ANKRD28: variants seen among roughly 807,000 people sequenced by gnomAD.
ANKRD28 encodes the protein serine/threonine-protein phosphatase 6 regulatory ankyrin repeat subunit A.
In ANKRD28, 44 loss-of-function variants were observed where a neutral mutation model predicts 126.5. The observed-to-expected ratio is 0.35, with a 90% CI of 0.27 to 0.45. The LOEUF (loss-of-function observed/expected upper bound fraction) is 0.45, where lower values mean the gene tolerates loss of function less well. ANKRD28 is among the 20% of genes least tolerant of loss of function. The pLI is 1.00. For synonymous variants in ANKRD28, 442 were observed against 468.5 expected, an observed-to-expected ratio of 0.94 and a Z score of 0.73; for missense variants, 1,110 against 1,316.6, an observed-to-expected ratio of 0.84 and a Z score of 2.43.
intron 4 of ANKRD28, among the ~76,000 whole-genome samples, chr3:15,743,374 A>G (rs956863891): frequency 6.8e-6 from 1 of 148,114 alleles, no homozygotes; most frequent in Non-Finnish European, 1.5e-5. Flanking sequence ...AAACAAACAA[A>G]CAAAAAAAAA....
rs116115141 is a variant in ANKRD28 at position 15,829,614 on chromosome 3, G to C, written c.27+29763C>G. On this transcript the variant is annotated intron_variant, in intron 1 of 27. Transcript: ENST00000399451. ...GGAAAATGCTGGTTCACTGGTTTAC[G>C]AAGGTCTTCAATTACTGACACGTTT... is the stretch of plus-strand genomic sequence containing the variant. Among the ~76,000 whole-genome samples the C allele has an allele frequency of 2.7e-3, 408 of 152,150 alleles. 2 individuals carry two copies. Among genetic ancestry groups the C allele is most frequent in the African/African-American group, 9.6e-3 (399 of 41,506 alleles).
intron 8 of ANKRD28, among the ~76,000 whole-genome samples, chr3:15,717,922 A>G (rs1423421629): frequency 6.6e-6 from 1 of 152,206 alleles, no homozygotes. Context: ...TAACTTGATC[A>G]AGGTCAGAAA....
intron 1 of ANKRD28, among the ~76,000 whole-genome samples, chr3:15,836,067 T>C (rs1002863973): frequency 2.0e-5 from 3 of 152,052 alleles, no homozygotes; most frequent in African/African-American, 7.2e-5. Context: ...GTGAATTATA[T>C]TGAAAAAAAG....
chr3:15,820,707 G>C (rs1559572474), intron 1 of ANKRD28, among the ~76,000 whole-genome samples: 1 of 151,646 alleles, frequency 6.6e-6, no homozygotes, highest in African/African-American at 2.4e-5. Context: ...AATTCACAGG[G>C]GTTCATTAAT....
At chr3:15,800,901 T>C (rs1172758135), upstream of ANKRD28, among the ~76,000 whole-genome samples, 3 of 152,148 alleles carry the variant, frequency 2.0e-5, no homozygotes, top group Non-Finnish European at 4.4e-5. Flanking sequence ...TTGTGTCTTC[T>C]TCTATTGAAT....
In ANKRD28 at chr3:15,846,152, C is replaced by G. The variant is rs561024820; in HGVS notation, c.27+13225G>C. Among the ~76,000 whole-genome samples the G allele has an allele frequency of 1.2e-5, 1 of 81,424 alleles. No individual in the cohort carries two copies. Among genetic ancestry groups the G allele is most frequent in the East Asian group, 1.2e-3 (1 of 840 alleles). 53.4% of individuals were successfully genotyped at this position (81,424 alleles called of 152,430 possible). On this transcript the variant is annotated intron_variant, in intron 1 of 27. Transcript: ENST00000399451. This position sits in a 1 kb window ranked among gnomAD's most constrained non-coding sequence, Gnocchi z 5.4. Reference sequence around the variant, plus strand: ...CAGAAATCCAAGCCCAAAGTCTCATCTGAGACAAGGCAAGTCTCTTCCATC... The same window carrying G: ...CAGAAATCCAAGCCCAAAGTCTCATGTGAGACAAGGCAAGTCTCTTCCATC...
intron 4 of ANKRD28, among the ~76,000 whole-genome samples, 171 bp downstream of exon 4, chr3:15,751,579 G>A (rs1193731897): frequency 6.6e-6 from 1 of 152,100 alleles, no homozygotes; most frequent in East Asian, 1.9e-4. Flanking sequence ...ATAAACAAAA[G>A]AAGAAATGAA....
intron 1 of ANKRD28, among the ~76,000 whole-genome samples, chr3:15,809,976 C>T (rs571197456): frequency 6.6e-6 from 1 of 152,100 alleles, no homozygotes; most frequent in Admixed American, 6.5e-5. Flanking sequence ...CTCCCACCTC[C>T]TCATCCACAA....
rs1434540979 is a variant in ANKRD28 at position 15,668,742 on chromosome 3, C to T, written c.*1528G>A. The T allele has an allele frequency of 3.3e-5, 5 of 152,578 alleles. No individual in the cohort carries two copies. Among genetic ancestry groups the T allele is most frequent in the Non-Finnish European group, 2.9e-5 (2 of 68,006 alleles). 9.5% of individuals were successfully genotyped at this position (152,578 alleles called of 1,614,324 possible). ...GCTCATTAATTCTTCAAAAAACCCA[C>T]AAAATTATCAAATAGATCAAAATAC... On this transcript the variant is annotated 3_prime_UTR_variant, in exon 28 of 28. Transcript: ENST00000683139.
chr3:15,859,713 T>TGCC (rs904062377), exon 1 of ANKRD28: 2 of 154,944 alleles, frequency 1.3e-5, no homozygotes, highest in South Asian at 1.8e-4. Flanking sequence ...TACCCGCCGC[T>TGCC]GCCGCCGCCG....
chr3:15,803,361 G>T (rs1255488561), intron 1 of ANKRD28, among the ~76,000 whole-genome samples: 1 of 152,122 alleles, frequency 6.6e-6, no homozygotes, highest in Non-Finnish European at 1.5e-5. Context: ...GCTCACACCT[G>T]TAATCCCAGC....
chr3:15,727,516 A>C (rs979380930), intron 6 of ANKRD28, among the ~76,000 whole-genome samples: 2 of 147,118 alleles, frequency 1.4e-5, no homozygotes, highest in Non-Finnish European at 3.0e-5. Context: ...GCAGTGAGCC[A>C]AGATCACACC....
chr3:15,798,389 A>C (rs1381836797), upstream of ANKRD28, among the ~76,000 whole-genome samples: 2 of 152,080 alleles, frequency 1.3e-5, no homozygotes, highest in Non-Finnish European at 2.9e-5. Context: ...ATCAGTTTTA[A>C]TCTGCCAGGT....
intron 1 of ANKRD28, among the ~76,000 whole-genome samples, chr3:15,820,715 A>T (rs1169020516): frequency 2.0e-5 from 3 of 152,178 alleles, no homozygotes; most frequent in Non-Finnish European, 4.4e-5. Flanking sequence ...GGGGTTCATT[A>T]ATGTCTTTTC....
In ANKRD28 at chr3:15,712,137, T is replaced by A; in HGVS notation, c.1273+3A>T. The A allele has an allele frequency of 3.8e-6, 6 of 1,568,874 alleles. No homozygotes were observed. The highest frequency in any genetic ancestry group is 5.2e-6 in the Non-Finnish European group (6 of 1,156,056). On this transcript the variant is annotated splice_donor_region_variant and intron_variant, in intron 11 of 27. Transcript: ENST00000683139. The stretch of plus-strand genomic sequence containing the variant: ...TACAAAAGGCTGCAAAGGTTACACT[T>A]ACCTGAAGAAAGAAGTTTTCTGCAG...
chr3:15,754,837 C>G (rs2058068706), intron 3 of ANKRD28, among the ~76,000 whole-genome samples: 1 of 152,116 alleles, frequency 6.6e-6, no homozygotes, highest in Non-Finnish European at 1.5e-5. Context: ...TATATATCGG[C>G]CGGGTGCAGT....
intron 17 of ANKRD28, among the ~76,000 whole-genome samples, chr3:15,692,030 T>C (rs2068866722): frequency 6.6e-6 from 1 of 151,496 alleles, no homozygotes; most frequent in Non-Finnish European, 1.5e-5. Flanking sequence ...GTCCCAGCTA[T>C]GCAGGAGGCT....
intron 3 of ANKRD28, among the ~76,000 whole-genome samples, chr3:15,756,782 A>G (rs1328011391): frequency 2.6e-5 from 4 of 151,998 alleles, no homozygotes; most frequent in Non-Finnish European, 4.4e-5. Flanking sequence ...AACAAAGGGC[A>G]CTCTTTCTGC....
At chr3:15,759,859 C>T (rs2125468910) in intron 3 of ANKRD28, among the ~76,000 whole-genome samples, 1 of 152,294 alleles carries the variant, frequency 6.6e-6, no homozygotes, top group African/African-American at 2.4e-5. Context: ...TCTGCTGTGT[C>T]CTAAAATCCC....
Sources: gnomAD v4.1 joint callset for allele counts (sites outside exome capture counted in the v4.1 genomes callset) on GRCh38, gnomAD v4.1.1 for gene constraint, Gnocchi (gnomAD v3.1) non-coding constraint, MANE v1.5 for transcripts, NCBI Gene and HGNC (gene_info 2026-07-23, HGNC 2026-07-21) for gene names.